Variants in ATIC observed in about 807,000 individuals in gnomAD.
ATIC encodes the protein 5-aminoimidazole-4-carboxamide ribonucleotide formyltransferase/IMP cyclohydrolase.
In ATIC, 64 loss-of-function variants were observed where a neutral mutation model predicts 72.5. The ratio of observed to expected loss-of-function variants is 0.88; its 90% CI spans 0.72 to 1.09. ATIC has a LOEUF of 1.09. Among genes scored for constraint, ATIC ranks in the 50% least tolerant of loss-of-function variants. The pLI is 0.00. For missense variants in ATIC, 787 were observed against 732.4 expected (o/e 1.07, Z -0.86); for synonymous variants, 281 against 267.1 (o/e 1.05, Z -0.51).
intron 4 of ATIC, among the ~76,000 whole-genome samples, chr2:215,320,876 G>C (rs1345448933): frequency 6.6e-6 from 1 of 152,062 alleles, no homozygotes; most frequent in Non-Finnish European, 1.5e-5. Context: ...CACCACGCCC[G>C]GCCTGCCCGG....
chr2:215,342,731 G>A (rs1020598459), intron 12 of ATIC, among the ~76,000 whole-genome samples: 3 of 152,228 alleles, frequency 2.0e-5, no homozygotes, highest in Non-Finnish European at 2.9e-5. Context: ...CCAGGCTGGA[G>A]TGCAATGGCT....
At chr2:215,337,298 C>A (rs541851966) in intron 11 of ATIC, among the ~76,000 whole-genome samples, 26 of 151,896 alleles carry the variant, frequency 1.7e-4, no homozygotes, top group African/African-American at 6.3e-4. Flanking sequence ...TGTAAGATAC[C>A]AATAATTTTA....
chr2:215,364,220 T>A, the ATIC span: 1 of 157,452 alleles, frequency 6.4e-6, no homozygotes. Context: ...CTATACTACT[T>A]AGCACAGTGC....
intron 14 of ATIC, chr2:215,347,364 C>A: frequency 2.7e-6 from 1 of 371,522 alleles, no homozygotes; most frequent in Non-Finnish European, 5.2e-6. Flanking sequence ...GGGGTCTTCT[C>A]CCACCACATT....
At chr2:215,362,896 G>A in the ATIC span, 1,243 of 152,592 alleles carry the variant, frequency 8.1e-3, 8 homozygotes, top group Non-Finnish European at 0.015. Context: ...GGAGCAAGAG[G>A]GAGTCCGGGC....
chr2:215,327,135 T>C (rs907956723), intron 7 of ATIC, among the ~76,000 whole-genome samples, 157 bp downstream of exon 7: 3 of 152,272 alleles, frequency 2.0e-5, no homozygotes, highest in African/African-American at 7.2e-5. Flanking sequence ...CCATTTGGAC[T>C]GAAGAGCACA....
the ATIC span, among the ~76,000 whole-genome samples, chr2:215,368,551 CTAAA>C: frequency 6.6e-6 from 1 of 152,158 alleles, no homozygotes; most frequent in Non-Finnish European, 1.5e-5. Context: ...AAAATGTTCA[CTAAA>C]TAAAGAATAA....
Position 215,346,854 on chromosome 2 carries a change from A to G in ATIC, c.1416A>G (p.Gln472=), listed in dbSNP as rs1055703574. The change falls in exon 14 of 16, where the codon CAA becomes CAG. Residue 472 remains glutamine (Q), a synonymous_variant. Transcript: ENST00000236959. ...ANYWWLRHHP[Q]VLSMKFKTGV... is the part of the protein sequence containing the mutation. ...ATTGGTGGCTTAGACACCATCCACA[A>G]GTGCTTTCGATGAAGTTTAAAACAG... The G allele has an allele frequency of 6.2e-7, 1 of 1,614,204 alleles. No homozygotes were observed. Among genetic ancestry groups the G allele is most frequent in the Admixed American group, 1.7e-5 (1 of 60,026 alleles).
intron 15 of ATIC, 44 bp downstream of exon 15, chr2:215,349,293 G>A (rs1175012961): frequency 3.7e-6 from 6 of 1,612,252 alleles, no homozygotes; most frequent in Admixed American, 1.7e-5. Flanking sequence ...TGAGCATTAT[G>A]TAGAAACTGT....
downstream of ATIC, chr2:215,349,904 G>T: frequency 1.7e-6 from 1 of 599,458 alleles, no homozygotes; most frequent in Non-Finnish European, 2.8e-6. Flanking sequence ...CTGCCCGTGT[G>T]AAACATAAAC....
chr2:215,364,619 G>T, the ATIC span: 1 of 552,864 alleles, frequency 1.8e-6, no homozygotes, highest in South Asian at 2.1e-5. Flanking sequence ...TATTAAGAAT[G>T]ACTCAAGACT....
intron 9 of ATIC, 44 bp from the exon 10 acceptor site, chr2:215,334,875 C>G: frequency 6.8e-7 from 1 of 1,473,350 alleles, no homozygotes; most frequent in Non-Finnish European, 9.5e-7. Context: ...TTTTCTGTAT[C>G]AGGATACTTT....
At chr2:215,357,377 C>T in the ATIC span, among the ~76,000 whole-genome samples, 7 of 152,200 alleles carry the variant, frequency 4.6e-5, no homozygotes, top group Non-Finnish European at 7.3e-5. Flanking sequence ...CTGCCTCGTA[C>T]AGCTTCAACC....
chr2:215,320,495 C>G (rs944029475), intron 4 of ATIC, among the ~76,000 whole-genome samples: 5 of 152,164 alleles, frequency 3.3e-5, no homozygotes, highest in Non-Finnish European at 7.3e-5. Flanking sequence ...AGAGGGGGAG[C>G]TGGCATATCC....
chr2:215,344,690 A>G lies in ATIC; in HGVS notation c.1228-89A>G, dbSNP rs970483368. On this transcript the variant is annotated intron_variant, in intron 12 of 15. Transcript: ENST00000236959. ...CAGAGTGAGACTCTGACTCAAAAAA[A>G]CCACAAAAAATAATATTTAAAAAAA... 6 of 1,320,336 alleles carry G rather than the reference A, an allele frequency of 4.5e-6. No homozygotes were observed. In the Admixed American group the frequency reaches 9.7e-5, roughly 21 times the overall value. The allele number at this position is 1,320,336 out of a possible 1,614,324, so 81.8% of individuals were successfully genotyped here.
At chr2:215,356,654 T>C in the ATIC span, among the ~76,000 whole-genome samples, 1 of 152,220 alleles carries the variant, frequency 6.6e-6, no homozygotes, top group East Asian at 1.9e-4. Context: ...CTACCTTTTG[T>C]TTCTATGGAT....
At chr2:215,365,290 G>A in the ATIC span, among the ~76,000 whole-genome samples, 2 of 152,116 alleles carry the variant, frequency 1.3e-5, no homozygotes, top group Non-Finnish European at 2.9e-5. Flanking sequence ...AAATACTCAG[G>A]TTGGACAAGT....
the ATIC span, chr2:215,365,604 A>T: frequency 6.2e-7 from 1 of 1,614,050 alleles, no homozygotes; most frequent in Non-Finnish European, 8.5e-7. Flanking sequence ...CCAATCTTGT[A>T]GTTCACACCA....
intron 9 of ATIC, 43 bp downstream of exon 9, chr2:215,333,500 G>A (rs771530601): frequency 2.6e-6 from 4 of 1,515,384 alleles, no homozygotes; most frequent in Non-Finnish European, 3.7e-6. Context: ...GAAAGAAAAA[G>A]CAATATTTTA....
Sources: allele counts gnomAD v4.1 joint callset (sites outside exome capture counted in the v4.1 genomes callset), GRCh38; gene constraint gnomAD v4.1.1; transcripts MANE v1.5; gene names NCBI Gene and HGNC (gene_info 2026-07-23, HGNC 2026-07-21).